Variants in RTN4RL1 observed in about 807,000 individuals in gnomAD.
The protein encoded by RTN4RL1 is reticulon 4 receptor like 1.
RTN4RL1 carries 7 observed loss-of-function variants against 25.6 expected under a neutral mutation model. That is an observed-to-expected ratio of 0.27 (90% CI 0.16 to 0.51). The LOEUF (loss-of-function observed/expected upper bound fraction) is 0.51. Ranked by LOEUF, RTN4RL1 falls within the 20% of genes least tolerant of loss-of-function variation. RTN4RL1 has a pLI of 0.97. For missense variants in RTN4RL1, 500 were observed against 615.6 expected (o/e 0.81, Z 1.99); for synonymous variants, 297 against 288.2 (o/e 1.03, Z -0.31).
intron 1 of RTN4RL1, among the ~76,000 whole-genome samples, chr17:1,965,084 G>C (rs2066784490): frequency 6.7e-6 from 1 of 149,746 alleles, no homozygotes; most frequent in African/African-American, 2.5e-5. Flanking sequence ...ACCGCGCCTG[G>C]CTTACAGTTT....
intron 1 of RTN4RL1, among the ~76,000 whole-genome samples, chr17:1,942,668 C>A (rs116464675): frequency 1.5e-4 from 23 of 152,234 alleles, no homozygotes; most frequent in African/African-American, 5.5e-4. Context: ...GTGTTCAGGT[C>A]CTCCTTTCTG....
intron 1 of RTN4RL1, among the ~76,000 whole-genome samples, chr17:2,007,097 T>C (rs2151324715): frequency 6.6e-6 from 1 of 152,216 alleles, no homozygotes; most frequent in South Asian, 2.1e-4. Context: ...AGCTTCAATT[T>C]TCTCAGCTAT....
intron 1 of RTN4RL1, among the ~76,000 whole-genome samples, chr17:1,962,959 A>T (rs1025537254): frequency 1.3e-5 from 2 of 150,814 alleles, no homozygotes; most frequent in African/African-American, 4.9e-5. Context: ...TTTTTAAGAG[A>T]CAGGGTCTCA....
intron 1 of RTN4RL1, among the ~76,000 whole-genome samples, chr17:1,965,991 G>A (rs1466342727): frequency 6.6e-6 from 1 of 152,120 alleles, no homozygotes; most frequent in Non-Finnish European, 1.5e-5. Flanking sequence ...TCAAGAACAG[G>A]GCAGGCTCGC....
intron 1 of RTN4RL1, 68 bp downstream of exon 1, chr17:2,024,785 G>A (rs1169747146): frequency 9.3e-6 from 14 of 1,500,246 alleles, no homozygotes; most frequent in African/African-American, 1.4e-5. Context: ...GGCGCCGGGC[G>A]GCGCCCGGGC....
intron 1 of RTN4RL1, among the ~76,000 whole-genome samples, chr17:2,002,478 C>G (rs918029950): frequency 3.9e-4 from 59 of 150,244 alleles, no homozygotes; most frequent in Middle Eastern, 6.8e-3. Context: ...ATTTTTAGTA[C>G]AGATGGGGTT....
At chr17:1,991,464 C>CAAAAAAAAAAAAAAAAAAAAAAAAAAAAA (rs918564841) in intron 1 of RTN4RL1, among the ~76,000 whole-genome samples, 3 of 40,144 alleles carry the variant, frequency 7.5e-5, no homozygotes, top group African/African-American at 2.7e-4. Flanking sequence ...AAAAAAAAAA[C>CAAAAAAAAAAAAAAAAAAAAAAAAAAAAA]AAAAAAAAAC....
chr17:2,001,110 C>T (rs949766872), intron 1 of RTN4RL1, among the ~76,000 whole-genome samples: 5 of 148,380 alleles, frequency 3.4e-5, no homozygotes, highest in African/African-American at 1.3e-4. Flanking sequence ...TGGCATTGAA[C>T]TCCTGGGTTC....
chr17:1,989,284 A>G (rs1365853853), intron 1 of RTN4RL1, among the ~76,000 whole-genome samples: 1 of 152,106 alleles, frequency 6.6e-6, no homozygotes, highest in African/African-American at 2.4e-5. Flanking sequence ...ACAGCAAGCC[A>G]GATCCTGCAC....
intron 1 of RTN4RL1, among the ~76,000 whole-genome samples, chr17:1,968,691 C>T (rs2066804229): frequency 6.6e-6 from 1 of 152,210 alleles, no homozygotes; most frequent in Non-Finnish European, 1.5e-5. Flanking sequence ...CCTTCCTGCA[C>T]ATCCCCGGGC....
chr17:1,946,953 G>C (rs1241848422), intron 1 of RTN4RL1, among the ~76,000 whole-genome samples: 1 of 146,366 alleles, frequency 6.8e-6, no homozygotes, highest in African/African-American at 2.5e-5. Context: ...TGTGTGCACG[G>C]GGTCTGTGTG....
intron 1 of RTN4RL1, among the ~76,000 whole-genome samples, chr17:1,972,813 G>T (rs2066826335): frequency 6.6e-6 from 1 of 152,158 alleles, no homozygotes; most frequent in African/African-American, 2.4e-5. Context: ...TTTTCTATGC[G>T]ATTCTGTTGT....
rs1477989603 is a variant in RTN4RL1, at chr17:2,025,217, G to T, written c.-352C>A. The T allele has an allele frequency of 4.9e-6, 1 of 204,308 alleles. No homozygotes were observed. The highest frequency in any genetic ancestry group is 1.0e-4 in the East Asian group (1 of 9,550). The allele number at this position is 204,308 out of a possible 1,614,324, so 12.7% of individuals were successfully genotyped here. On this transcript the variant is annotated 5_prime_UTR_variant, in exon 1 of 2. The change creates a new upstream start codon in the 5' untranslated region. Coordinates refer to ENST00000331238, the MANE Select transcript of RTN4RL1 (RefSeq NM_178568.4). This position sits in a 1 kb window ranked among gnomAD's most constrained non-coding sequence, Gnocchi z 4.8. The stretch of plus-strand genomic sequence containing the variant: ...GCCGCCCCCTGGCCGGCCGGCCGCA[G>T]CCCCCTCCTCTCCGCCCCCTCGGAC...
At chr17:1,980,093 T>C (rs1040225323) in intron 1 of RTN4RL1, among the ~76,000 whole-genome samples, 14 of 152,062 alleles carry the variant, frequency 9.2e-5, no homozygotes, top group Admixed American at 8.5e-4. Flanking sequence ...AGACAGGGCC[T>C]CACTCCGTCG....
chr17:1,987,718 GACACACACACACACACACACACACAC>G (rs59658751), intron 1 of RTN4RL1, among the ~76,000 whole-genome samples: 1 of 145,096 alleles, frequency 6.9e-6, no homozygotes, highest in Admixed American at 6.9e-5. Context: ...TGAGTTCAGG[GACACACACACACACACACACACACAC>G]ACACACACAC....
chr17:1,956,862 A>C (rs1915804669), intron 1 of RTN4RL1, among the ~76,000 whole-genome samples: 1 of 149,578 alleles, frequency 6.7e-6, no homozygotes, highest in Admixed American at 6.7e-5. Context: ...CTTCGTCAGC[A>C]CTCCCCGAGT....
At chr17:1,939,350 C>CGCAA (rs1915392491) in intron 1 of RTN4RL1, among the ~76,000 whole-genome samples, 1 of 121,714 alleles carries the variant, frequency 8.2e-6, no homozygotes, top group Non-Finnish European at 1.7e-5. Flanking sequence ...GAAACTCCGT[C>CGCAA]TCAATAAATA....
intron 1 of RTN4RL1, among the ~76,000 whole-genome samples, chr17:1,991,985 G>A (rs1030823967): frequency 3.3e-5 from 5 of 152,044 alleles, no homozygotes; most frequent in African/African-American, 1.2e-4. Context: ...TGAGCCCCAC[G>A]CCCACCCTCC....
chr17:1,999,159 ACACACCG>A (rs2066944615), intron 1 of RTN4RL1, among the ~76,000 whole-genome samples: 1 of 116,112 alleles, frequency 8.6e-6, no homozygotes, highest in Admixed American at 8.4e-5. Flanking sequence ...ACACACACAC[ACACACCG>A]GCCGGGCGCG....
Sources: allele counts gnomAD v4.1 joint callset (sites outside exome capture counted in the v4.1 genomes callset), GRCh38; gene constraint gnomAD v4.1.1; non-coding constraint Gnocchi (gnomAD v3.1); transcripts MANE v1.5; gene names NCBI Gene and HGNC (gene_info 2026-07-23, HGNC 2026-07-21).